The following ACVR1 variants were observed in gnomAD, a reference collection of about 807,000 sequenced individuals.
ACVR1 encodes activin A receptor type 1.
ACVR1 carries 38 observed loss-of-function variants against 57.1 expected under a neutral mutation model. The ratio of observed to expected loss-of-function variants is 0.67; its 90% CI spans 0.51 to 0.87. The LOEUF (loss-of-function observed/expected upper bound fraction) is 0.87, where lower values mean the gene tolerates loss of function less well. Ranked by LOEUF, ACVR1 falls within the 40% of genes least tolerant of loss-of-function variation. The pLI is 0.00. For missense variants in ACVR1, 463 were observed against 638.2 expected (o/e 0.73, Z 2.96); for synonymous variants, 212 against 228.1 (o/e 0.93, Z 0.63).
intron 3 of ACVR1, among the ~76,000 whole-genome samples, chr2:157,795,880 TC>T (rs1391908723): frequency 6.6e-6 from 1 of 152,142 alleles, no homozygotes; most frequent in Non-Finnish European, 1.5e-5. Flanking sequence ...CTCTCTTTTT[TC>T]ATACCTTGCC....
At chr2:157,842,026 C>CAA (rs34227882) in intron 1 of ACVR1, among the ~76,000 whole-genome samples, 6,177 of 99,166 alleles carry the variant, frequency 0.062, 336 homozygotes, top group African/African-American at 0.1. Context: ...GACTCCATCT[C>CAA]AAAAAAAAAA....
intron 9 of ACVR1, among the ~76,000 whole-genome samples, chr2:157,741,944 C>T (rs769617758): frequency 8.5e-5 from 13 of 152,158 alleles, no homozygotes; most frequent in Middle Eastern, 3.4e-3. Flanking sequence ...GAAACCCCTA[C>T]GGAGTGGGTG....
chr2:157,741,383 T>A (rs1684755867), intron 9 of ACVR1, among the ~76,000 whole-genome samples: 2 of 151,990 alleles, frequency 1.3e-5, no homozygotes, highest in Non-Finnish European at 2.9e-5. Context: ...ATCCCAGCAC[T>A]TTGGGAGGCT....
In ACVR1 at chr2:157,844,791, AG is replaced by A. The variant is rs564966421; in HGVS notation, c.-182-26233del. 4.6e-5 allele frequency among the ~76,000 whole-genome samples: 7 copies of A among 152,054 alleles called. No homozygotes were observed. In the East Asian group the frequency reaches 9.7e-4, roughly 21 times the overall value. On this transcript the variant is annotated intron_variant, in intron 1 of 10. Transcript: ENST00000434821. ...TAATACCCAATGAGATAGTATTAAG[AG>A]GGGGGGAGCCTTTGGTGCGTGATTA...
intron 1 of ACVR1, among the ~76,000 whole-genome samples, chr2:157,835,833 C>T (rs1156440751): frequency 1.3e-5 from 2 of 152,204 alleles, no homozygotes; most frequent in Non-Finnish European, 2.9e-5. Context: ...AGATTACATC[C>T]TCCAAGCATC....
chr2:157,809,579 T>A (rs1215322913), intron 2 of ACVR1, among the ~76,000 whole-genome samples: 2 of 151,836 alleles, frequency 1.3e-5, no homozygotes, highest in Non-Finnish European at 2.9e-5. Context: ...GGAGAGAGAC[T>A]GGAGAACGGA....
Position 157,778,391 on chromosome 2 carries a change from C to A in ACVR1, c.332-49G>T, listed in dbSNP as rs1297787941. ...AATTAGTTGTAAGGATCACTGCTTA[C>A]TTATTATTAGCATAACCAATATCCT... On this transcript the variant is annotated intron_variant, in intron 4 of 10. Transcript: ENST00000434821. 6 of 1,464,890 alleles carry A rather than the reference C, an allele frequency of 4.1e-6. No homozygotes were observed. The Admixed American group carries it at 7.3e-5, about 18-fold the overall frequency. 90.7% of individuals were successfully genotyped at this position (1,464,890 alleles called of 1,614,324 possible). A position where few individuals can be genotyped will look rare whatever the true frequency, so the allele number is the denominator to read the frequency against.
intron 2 of ACVR1, among the ~76,000 whole-genome samples, chr2:157,807,447 T>G (rs377135308): frequency 6.6e-6 from 1 of 152,112 alleles, no homozygotes; most frequent in Admixed American, 6.5e-5. Flanking sequence ...ATAGCCACGG[T>G]CCACCTGCTT....
intron 2 of ACVR1, among the ~76,000 whole-genome samples, chr2:157,809,105 C>T (rs989318653): frequency 2.6e-5 from 4 of 152,094 alleles, no homozygotes; most frequent in East Asian, 1.9e-4. Flanking sequence ...TTTGCCTACA[C>T]GGCTGTTATC....
intron 1 of ACVR1, among the ~76,000 whole-genome samples, chr2:157,863,336 C>CTTTTT (rs1161335923): frequency 0.11 from 4,038 of 35,632 alleles, 1,317 homozygotes; most frequent in Non-Finnish European, 0.16. Context: ...AATTGTTTCT[C>CTTTTT]TTTTTTTTTT....
At chr2:157,745,430 C>T (rs1488974975) in intron 9 of ACVR1, among the ~76,000 whole-genome samples, 1 of 152,194 alleles carries the variant, frequency 6.6e-6, no homozygotes, top group East Asian at 1.9e-4. Flanking sequence ...AGATATTTCT[C>T]TTGGTGAAAG....
Position 157,751,348 on chromosome 2 carries a change from C to T in ACVR1, c.1264+9532G>A, listed in dbSNP as rs146693433. On this transcript the variant is annotated intron_variant, in intron 9 of 10. Transcript: ENST00000434821. ...AAGCCATTTCTGACTTGTCTTACAG[C>T]GGTCCTTGGGAAGGGCTGCCGGAGG... Among the ~76,000 whole-genome samples the T allele has an allele frequency of 1.1e-4, 16 of 152,326 alleles. No individual in the cohort carries two copies. The East Asian group carries it at 2.7e-3, about 26-fold the overall frequency.
chr2:157,832,481 G>A (rs1024785388), intron 1 of ACVR1, among the ~76,000 whole-genome samples: 1 of 152,118 alleles, frequency 6.6e-6, no homozygotes, highest in Non-Finnish European at 1.5e-5. Flanking sequence ...GTGATATGGG[G>A]TGGGAAGATG....
At chr2:157,811,815 G>A (rs1233051431) in intron 2 of ACVR1, among the ~76,000 whole-genome samples, 2 of 151,344 alleles carry the variant, frequency 1.3e-5, no homozygotes, top group Non-Finnish European at 2.9e-5. Flanking sequence ...ACAAAAAGAA[G>A]GAGAATGGAA....
intron 9 of ACVR1, among the ~76,000 whole-genome samples, chr2:157,744,994 C>T (rs1289363350): frequency 2.0e-5 from 3 of 152,204 alleles, no homozygotes; most frequent in Non-Finnish European, 4.4e-5. Flanking sequence ...ACAGCTGTGT[C>T]CTGCCCCTCT....
chr2:157,740,479 G>A lies in ACVR1; in HGVS notation c.1265-1909C>T, dbSNP rs554174277. On this transcript the variant is annotated intron_variant, in intron 9 of 10. Coordinates refer to ENST00000434821, the MANE Select transcript of ACVR1 (RefSeq NM_001111067.4). ...AGAGAGATATTTTATGCGTTTTCTAGGGTCACAAGAATTTACAGAAAACAG... is the reference window on the plus strand; with the variant it reads ...AGAGAGATATTTTATGCGTTTTCTAAGGTCACAAGAATTTACAGAAAACAG... Among the ~76,000 whole-genome samples, 6 of 152,228 alleles carry A rather than the reference G, an allele frequency of 3.9e-5. No homozygotes were observed. In the East Asian group the frequency reaches 5.8e-4, roughly 15 times the overall value.
chr2:157,834,239 G>A (rs967803180), intron 1 of ACVR1, among the ~76,000 whole-genome samples: 1 of 152,032 alleles, frequency 6.6e-6, no homozygotes, highest in African/African-American at 2.4e-5. Flanking sequence ...TTACAGGTGC[G>A]TGCCACCATG....
intron 8 of ACVR1, among the ~76,000 whole-genome samples, chr2:157,764,591 C>T (rs1277692697): frequency 6.6e-6 from 1 of 152,088 alleles, no homozygotes; most frequent in African/African-American, 2.4e-5. Context: ...TGGCTAACTC[C>T]CAACCCCATC....
intron 9 of ACVR1, among the ~76,000 whole-genome samples, chr2:157,750,222 C>A (rs1685130625): frequency 6.6e-6 from 1 of 152,194 alleles, no homozygotes; most frequent in South Asian, 2.1e-4. Context: ...CAATGCCACA[C>A]AAGCCACCCA....
Sources: gnomAD v4.1 joint callset for allele counts (sites outside exome capture counted in the v4.1 genomes callset) on GRCh38, gnomAD v4.1.1 for gene constraint, MANE v1.5 for transcripts, NCBI Gene and HGNC (gene_info 2026-07-23, HGNC 2026-07-21) for gene names.